CNBD1: variants seen among roughly 807,000 people sequenced by gnomAD.
CNBD1 encodes the protein cyclic nucleotide-binding domain-containing protein 1.
A neutral mutation model predicts 54.4 loss-of-function variants in CNBD1; 71 were observed. That is an observed-to-expected ratio of 1.30 (90% confidence interval 1.08 to 1.59). The LOEUF (loss-of-function observed/expected upper bound fraction) is 1.59. CNBD1 is among the 40% of genes most tolerant of loss of function. The pLI is 0.00. For missense variants in CNBD1, 659 were observed against 518.0 expected, an observed-to-expected ratio of 1.27 and a Z score of -2.64; for synonymous variants, 182 against 170.7, an observed-to-expected ratio of 1.07 and a Z score of -0.51.
In CNBD1 at chr8:87,324,311, G is replaced by A. The variant is rs1313096790; in HGVS notation, c.1043-27374G>A. On this transcript the variant is annotated intron_variant, in intron 8 of 10. Coordinates refer to ENST00000518476, the MANE Select transcript of CNBD1 (RefSeq NM_173538.3). ...CGGCTTTGGTATCAGAATGATGCTGGCCTCATAAAATGAGTTAGGGAGGAT... is the reference window on the plus strand; with the variant it reads ...CGGCTTTGGTATCAGAATGATGCTGACCTCATAAAATGAGTTAGGGAGGAT... Among the ~76,000 whole-genome samples the A allele has an allele frequency of 1.6e-5, 2 of 127,150 alleles. 1 individual carries two copies. The highest frequency in any genetic ancestry group is 3.5e-5 in the Non-Finnish European group (2 of 56,658). The allele number at this position is 127,150 out of a possible 152,430, so 83.4% of individuals were successfully genotyped here. A position where few individuals can be genotyped will look rare whatever the true frequency, so the allele number is the denominator to read the frequency against.
intron 8 of CNBD1, among the ~76,000 whole-genome samples, chr8:87,292,113 A>AATAT (rs1808798315): frequency 6.6e-6 from 1 of 152,184 alleles, no homozygotes; most frequent in African/African-American, 2.4e-5. Flanking sequence ...TCAATCTTAA[A>AATAT]ATATATTAAT....
chr8:87,180,037 A>G (rs974584602), intron 4 of CNBD1, among the ~76,000 whole-genome samples: 13 of 152,332 alleles, frequency 8.5e-5, no homozygotes, highest in African/African-American at 2.9e-4. Flanking sequence ...ACATGTAAAT[A>G]GAAAACGGTA....
chr8:87,398,601 A>C (rs1811448400), intron 2 of CNBD1, among the ~76,000 whole-genome samples: 1 of 152,056 alleles, frequency 6.6e-6, no homozygotes, highest in East Asian at 1.9e-4. Flanking sequence ...GCTTTACATA[A>C]TCCTTCTTTT....
intron 4 of CNBD1, among the ~76,000 whole-genome samples, chr8:86,960,179 G>T (rs1051566955): frequency 6.6e-6 from 1 of 152,138 alleles, no homozygotes; most frequent in Non-Finnish European, 1.5e-5. Context: ...CCAAAGCAGG[G>T]TGGGGCATCG....
intron 6 of CNBD1, among the ~76,000 whole-genome samples, chr8:87,260,848 T>A (rs1808126027): frequency 6.6e-6 from 1 of 152,132 alleles, no homozygotes; most frequent in South Asian, 2.1e-4. Context: ...GCCTAATGTA[T>A]AAGCCAGAAG....
chr8:87,319,903 T>A (rs1411921224), intron 8 of CNBD1, among the ~76,000 whole-genome samples: 1 of 152,074 alleles, frequency 6.6e-6, no homozygotes, highest in Non-Finnish European at 1.5e-5. Context: ...GATTTTGTCC[T>A]AAGTTCTTGA....
chr8:87,359,841 G>C (rs112877080), intron 10 of CNBD1, among the ~76,000 whole-genome samples: 2 of 151,802 alleles, frequency 1.3e-5, no homozygotes, highest in African/African-American at 4.8e-5. Context: ...ATAGGTGTTA[G>C]GAATAATTTA....
At chr8:87,117,458 T>C (rs772682380) in intron 4 of CNBD1, among the ~76,000 whole-genome samples, 6 of 146,618 alleles carry the variant, frequency 4.1e-5, no homozygotes, top group Non-Finnish European at 7.6e-5. Flanking sequence ...CCTAGGATAG[T>C]TGGACATGAT....
In CNBD1 at chr8:86,887,625, G is replaced by T; in HGVS notation, c.158+14G>T. Reference sequence around the variant, plus strand: ...AGGACAACACAGGTAAGCTATTCATGCATTTCTTTTTCTGTCATTCAAATG... The same window carrying T: ...AGGACAACACAGGTAAGCTATTCATTCATTTCTTTTTCTGTCATTCAAATG... On this transcript the variant is annotated intron_variant, in intron 2 of 10. Coordinates refer to ENST00000518476, the MANE Select transcript of CNBD1 (RefSeq NM_173538.3). 2 of 1,548,550 alleles carry T rather than the reference G, an allele frequency of 1.3e-6. No homozygotes were observed. The highest frequency in any genetic ancestry group is 2.3e-5 in the East Asian group (1 of 43,344).
chr8:86,981,216 A>G (rs930705866), intron 4 of CNBD1, among the ~76,000 whole-genome samples: 3 of 152,216 alleles, frequency 2.0e-5, no homozygotes, highest in African/African-American at 7.2e-5. Flanking sequence ...ACATTCAAGA[A>G]TGCCCAAGTA....
At chr8:87,385,967 G>A (rs112496599), downstream of CNBD1, among the ~76,000 whole-genome samples, 65 of 152,192 alleles carry the variant, frequency 4.3e-4, no homozygotes, top group African/African-American at 1.4e-3. Flanking sequence ...ACCAATATCC[G>A]CTGTTCTGCA....
intron 4 of CNBD1, among the ~76,000 whole-genome samples, chr8:87,114,667 G>T (rs188969833): frequency 2.6e-5 from 4 of 152,246 alleles, no homozygotes; most frequent in African/African-American, 9.6e-5. Context: ...ATTGACATTT[G>T]TCTGTTGATT....
At chr8:87,374,672 C>T (rs1810888845) in intron 10 of CNBD1, among the ~76,000 whole-genome samples, 2 of 151,784 alleles carry the variant, frequency 1.3e-5, no homozygotes, top group Admixed American at 6.6e-5. Flanking sequence ...ATAGAGGGAA[C>T]ATATTATTGC....
intron 3 of CNBD1, among the ~76,000 whole-genome samples, chr8:86,918,302 A>C (rs989963699): frequency 6.6e-6 from 1 of 152,170 alleles, no homozygotes; most frequent in Non-Finnish European, 1.5e-5. Flanking sequence ...GAAGTGTTTG[A>C]CAGAAAAACA....
Position 87,375,517 on chromosome 8 carries a change from C to T in CNBD1, c.1304-7103C>T, listed in dbSNP as rs532500661. Among the ~76,000 whole-genome samples, 13 of 151,508 alleles carry T rather than the reference C, an allele frequency of 8.6e-5. No individual in the cohort carries two copies. In the East Asian group the frequency reaches 2.5e-3, roughly 30 times the overall value. On this transcript the variant is annotated intron_variant, in intron 10 of 10. Transcript: ENST00000518476. ...GAAAGTTTACAATAACCATCTTTTC[C>T]GAAGCCATAGCATTCCTTATAAGTT...
intron 6 of CNBD1, among the ~76,000 whole-genome samples, chr8:87,277,420 A>T (rs1292915434): frequency 6.6e-6 from 1 of 151,816 alleles, no homozygotes; most frequent in Non-Finnish European, 1.5e-5. Flanking sequence ...TCATCCAAAG[A>T]CATCTCCAGA....
At chr8:86,935,013 GTTTGTTTATTTATTTA>G (rs1809520886) in intron 3 of CNBD1, among the ~76,000 whole-genome samples, 1 of 49,688 alleles carries the variant, frequency 2.0e-5, no homozygotes, top group African/African-American at 4.0e-5. Flanking sequence ...GGGTTTGTTT[GTTTGTTTATTTATTTA>G]TTTATTTATT....
intron 4 of CNBD1, among the ~76,000 whole-genome samples, chr8:87,188,817 C>T (rs900515191): frequency 2.6e-4 from 29 of 110,780 alleles, no homozygotes; most frequent in African/African-American, 7.0e-4. Flanking sequence ...GACAGTAAAG[C>T]GTCTTTTTTT....
chr8:87,284,080 G>A (rs1808647651), intron 6 of CNBD1, among the ~76,000 whole-genome samples: 1 of 152,084 alleles, frequency 6.6e-6, no homozygotes, highest in Admixed American at 6.6e-5. Flanking sequence ...ATAAAAATAC[G>A]CTCCTTATCC....
Sources: gnomAD v4.1 joint callset for allele counts (sites outside exome capture counted in the v4.1 genomes callset) on GRCh38, gnomAD v4.1.1 for gene constraint, MANE v1.5 for transcripts, NCBI Gene and HGNC (gene_info 2026-07-23, HGNC 2026-07-21) for gene names.